The following EIF2D variants were observed in gnomAD, a reference collection of about 807,000 sequenced individuals.
EIF2D encodes the protein hepatocellular carcinoma-associated antigen 56.
Under a neutral mutation model 77.4 loss-of-function variants are expected in EIF2D, and 56 were observed. The ratio of observed to expected loss-of-function variants is 0.72; its 90% CI spans 0.58 to 0.90. The LOEUF is 0.90. EIF2D is among the 40% of genes least tolerant of loss of function. The pLI is 0.00. For synonymous variants in EIF2D, 230 were observed against 271.0 expected, an observed-to-expected ratio of 0.85 and a Z score of 1.49; for missense variants, 574 against 706.5, an observed-to-expected ratio of 0.81 and a Z score of 2.13.
intron 2 of EIF2D, chr1:206,585,485 G>C: frequency 1.9e-6 from 1 of 531,834 alleles, no homozygotes; most frequent in Non-Finnish European, 3.4e-6. Context: ...TGAACACCCT[G>C]GGGTAGCACA....
In EIF2D at chr1:206,593,749, G is replaced by A; in HGVS notation, c.1554C>T (p.Tyr518=). 1 of 1,613,624 alleles carries A rather than the reference G, an allele frequency of 6.2e-7. No individual in the cohort carries two copies. Among genetic ancestry groups the A allele is most frequent in the Non-Finnish European group, 8.5e-7 (1 of 1,179,830 alleles). ...RNLEAYGLDP[Y]SVAAILQQRC... ...GCTGCTGAAGGATGGCAGCCACTGA[G>A]TATGGGTCCAGACCATAGGCCTCCA... Residue 518 remains tyrosine (Y), a synonymous_variant, in exon 14 of 15, where the codon TAC becomes TAT. Transcript: ENST00000271764.
In EIF2D at chr1:206,584,701, A is replaced by C. The variant is rs373362781; in HGVS notation, c.139-3539T>G. On this transcript the variant is annotated intron_variant and NMD_transcript_variant, in intron 2 of 5. Transcript: ENST00000472709. This position sits in a 1 kb window ranked among gnomAD's most constrained non-coding sequence, Gnocchi z 4.9. ...ACGGACAAGGTAGGAGAAAGAGTGA[A>C]CCCAACCAGACCGTTCCCTTCCTAC... is the stretch of plus-strand genomic sequence containing the variant. 7.3e-5 allele frequency: 118 copies of C among 1,613,720 alleles called. No individual in the cohort carries two copies. Among genetic ancestry groups the C allele is most frequent in the Non-Finnish European group, 9.6e-5 (113 of 1,179,838 alleles).
Position 206,584,697 on chromosome 1 carries a change from G to C in EIF2D, c.139-3535C>G, listed in dbSNP as rs1669035510. ...AAGGACGGACAAGGTAGGAGAAAGAGTGAACCCAACCAGACCGTTCCCTTC... is the reference window on the plus strand; with the variant it reads ...AAGGACGGACAAGGTAGGAGAAAGACTGAACCCAACCAGACCGTTCCCTTC... On this transcript the variant is annotated intron_variant and NMD_transcript_variant, in intron 2 of 5. Transcript: ENST00000472709. This position sits in a 1 kb window ranked among gnomAD's most constrained non-coding sequence, Gnocchi z 4.9. 1 of 1,614,012 alleles carries C rather than the reference G, an allele frequency of 6.2e-7. No individual in the cohort carries two copies. Among genetic ancestry groups the C allele is most frequent in the Admixed American group, 1.7e-5 (1 of 60,006 alleles).
intron 4 of EIF2D, among the ~76,000 whole-genome samples, chr1:206,577,114 A>T (rs1668685899): frequency 6.6e-6 from 1 of 151,934 alleles, no homozygotes; most frequent in Non-Finnish European, 1.5e-5. Context: ...CCAGGCCCAT[A>T]AATAGTTTTA....
At position 206,595,701 on chromosome 1, in the gene EIF2D, T is replaced by C. The variant is rs782027958; in HGVS notation, c.1509+17A>G. 4 of 1,612,488 alleles carry C rather than the reference T, an allele frequency of 2.5e-6. No individual in the cohort carries two copies. The highest frequency in any genetic ancestry group is 3.4e-6 in the Non-Finnish European group (4 of 1,178,778). On this transcript the variant is annotated intron_variant, in intron 13 of 14. Transcript: ENST00000271764. ...ATTAAATCACTATCCTTGAACATTG[T>C]GTCTTTCTAAAATTACCTTTTTATT...
intron 4 of EIF2D, among the ~76,000 whole-genome samples, chr1:206,575,898 A>G (rs1453589661): frequency 6.6e-6 from 1 of 152,254 alleles, no homozygotes; most frequent in African/African-American, 2.4e-5. Context: ...TCTTGGTATC[A>G]GACCCTCAGG....
rs1669620572 is a variant in EIF2D at position 206,595,829 on chromosome 1, T to A, written c.1398A>T (p.Glu466Asp). 1 of 1,613,968 alleles carries A rather than the reference T, an allele frequency of 6.2e-7. No homozygotes were observed. The highest frequency in any genetic ancestry group is 1.3e-5 in the African/African-American group (1 of 74,916). Reference protein sequence around the residue: ...PWDSLLTRCLEKLQPAYQVTL... With the variant: ...PWDSLLTRCLDKLQPAYQVTL... ...TCACTTGATAGGCAGGCTGTAATTTTTCCAAACACCTGAAACAGAAGTTAT... is the reference window on the plus strand; with the variant it reads ...TCACTTGATAGGCAGGCTGTAATTTATCCAAACACCTGAAACAGAAGTTAT... The change falls in exon 13 of 15, where the codon GAA becomes GAT. Residue 466 changes from glutamate to aspartate, a missense_variant. Transcript: ENST00000271764.
In EIF2D at chr1:206,592,777, G is replaced by GA. The variant is rs1238245495; in HGVS notation, c.1684+841dup. ...GCTGGTTTGAAGTGAGGAAAAACGGGAGGCTGGGTTACCCAGAGTTAGTAG... is the reference window on the plus strand; with the variant it reads ...GCTGGTTTGAAGTGAGGAAAAACGGGAAGGCTGGGTTACCCAGAGTTAGTAG... On this transcript the variant is annotated intron_variant, in intron 14 of 14. Transcript: ENST00000271764. The surrounding 1 kb of genome is among the most constrained non-coding windows in gnomAD (Gnocchi z 4.7). Among the ~76,000 whole-genome samples, 1 of 152,190 alleles carries GA rather than the reference G, an allele frequency of 6.6e-6. No individual in the cohort carries two copies. Among genetic ancestry groups the GA allele is most frequent in the African/African-American group, 2.4e-5 (1 of 41,458 alleles).
At chr1:206,607,696 CA>C (rs1670263797) in intron 4 of EIF2D, among the ~76,000 whole-genome samples, 1 of 150,946 alleles carries the variant, frequency 6.6e-6, no homozygotes, top group South Asian at 2.1e-4. Context: ...ACAACAACAA[CA>C]AAAAAACAAA....
chr1:206,572,097 G>A (rs532741504), intron 5 of EIF2D, among the ~76,000 whole-genome samples: 3 of 152,252 alleles, frequency 2.0e-5, no homozygotes, highest in Admixed American at 2.0e-4. Flanking sequence ...AAGTAAATGG[G>A]TCCATGGACC....
At chr1:206,596,018 G>C (rs782172338) in intron 12 of EIF2D, among the ~76,000 whole-genome samples, 180 bp from the exon 13 acceptor site, 2 of 152,168 alleles carry the variant, frequency 1.3e-5, no homozygotes, top group South Asian at 4.1e-4. Context: ...CTGTATCTCT[G>C]ACTAGGGCTA....
intron 5 of EIF2D, among the ~76,000 whole-genome samples, chr1:206,572,215 C>T (rs572505198): frequency 1.2e-4 from 19 of 152,228 alleles, no homozygotes; most frequent in African/African-American, 4.6e-4. Flanking sequence ...TTTTCTTCAA[C>T]GCATGAAGCC....
chr1:206,569,929 G>A (rs1227736831), downstream of EIF2D, among the ~76,000 whole-genome samples: 2 of 152,072 alleles, frequency 1.3e-5, no homozygotes, highest in Non-Finnish European at 2.9e-5. Context: ...GCTTAGATGT[G>A]GCATTGACTC....
intron 2 of EIF2D, among the ~76,000 whole-genome samples, chr1:206,582,249 G>T (rs1451826211): frequency 1.3e-5 from 2 of 152,196 alleles, no homozygotes; most frequent in Admixed American, 6.5e-5. Flanking sequence ...CAAGGTGAGG[G>T]CCATTGACCT....
chr1:206,612,026 TA>T (rs782810450), intron 1 of EIF2D, among the ~76,000 whole-genome samples: 44 of 152,210 alleles, frequency 2.9e-4, no homozygotes, highest in Non-Finnish European at 5.4e-4. Context: ...CACAACACCT[TA>T]AATAGTCTGC....
rs1243761976 is a variant in EIF2D at position 206,585,118 on chromosome 1, C to A, written c.139-3956G>T. ...CCTCTGCATTTCCAATCCTTTCCCG[C>A]AAGCCTGGGCCCCGCCCTTCTTTTC... On this transcript the variant is annotated intron_variant and NMD_transcript_variant, in intron 2 of 5. Transcript: ENST00000472709. 45 of 1,284,026 alleles carry A rather than the reference C, an allele frequency of 3.5e-5. No individual in the cohort carries two copies. The Admixed American group carries it at 6.4e-4, about 18-fold the overall frequency. 79.5% of individuals were successfully genotyped at this position (1,284,026 alleles called of 1,614,324 possible).
At position 206,611,438 on chromosome 1, in the gene EIF2D, G is replaced by C. The variant is rs145646958; in HGVS notation, c.57-64C>G. 1.5e-5 allele frequency: 21 copies of C among 1,399,578 alleles called. 1 individual carries two copies. The East Asian group carries it at 4.9e-4, about 33-fold the overall frequency. 86.7% of individuals were successfully genotyped at this position (1,399,578 alleles called of 1,614,324 possible). A position where few individuals can be genotyped will look rare whatever the true frequency, so the allele number is the denominator to read the frequency against. On this transcript the variant is annotated intron_variant, in intron 1 of 14. Transcript: ENST00000271764. The stretch of plus-strand genomic sequence containing the variant: ...CAGACTTTTAATAAATATCAAGAAC[G>C]AACTCAAAAGTGCTCACTATAAAAT...
chr1:206,599,583 G>C lies in EIF2D; in HGVS notation c.1082C>G (p.Ser361Cys), dbSNP rs1553410837. 6.2e-7 allele frequency: 1 copy of C among 1,601,804 alleles called. No homozygotes were observed. The highest frequency in any genetic ancestry group is 1.3e-5 in the African/African-American group (1 of 74,358). ...RITSFVIPEP[S>C]PTSQTIQEGS... ...CTCCTGGATAGTCTGGGAGGTCGGG[G>C]AGGGCTCGGGTATGACGAAAGATGT... is the stretch of plus-strand genomic sequence containing the variant. The change falls in exon 10 of 15, where the codon TCC (serine) becomes TGC (cysteine). Residue 361 changes from serine to cysteine, a missense_variant. Ser to Cys is a moderately radical substitution (Grantham distance 112). Transcript: ENST00000271764. The surrounding 1 kb of genome is among the most constrained non-coding windows in gnomAD (Gnocchi z 4.1).
intron 13 of EIF2D, chr1:206,594,589 A>G (rs11119107): frequency 0.74 from 112,590 of 152,078 alleles, 42,061 homozygotes; most frequent in African/African-American, 0.85. Flanking sequence ...CCTTACGCTT[A>G]TCAATGAGCT....
Sources: gnomAD v4.1 joint callset for allele counts (sites outside exome capture counted in the v4.1 genomes callset) on GRCh38, gnomAD v4.1.1 for gene constraint, Gnocchi (gnomAD v3.1) non-coding constraint, MANE v1.5 for transcripts, NCBI Gene and HGNC (gene_info 2026-07-23, HGNC 2026-07-21) for gene names.